PTPRT: variants seen among roughly 807,000 people sequenced by gnomAD.
The protein encoded by PTPRT is protein tyrosine phosphatase receptor type T.
A neutral mutation model predicts 176.8 loss-of-function variants in PTPRT; 56 were observed. The observed-to-expected ratio is 0.32, with a 90% CI of 0.26 to 0.40. The LOEUF (loss-of-function observed/expected upper bound fraction) is 0.40, where lower values mean the gene tolerates loss of function less well. Among genes scored for constraint, PTPRT ranks in the 10% least tolerant of loss-of-function variants. PTPRT has a pLI of 1.00. For synonymous variants in PTPRT, 783 were observed against 739.0 expected, an observed-to-expected ratio of 1.06 and a Z score of -0.96; for missense variants, 1,540 against 1,908.2, an observed-to-expected ratio of 0.81 and a Z score of 3.60.
rs928833530 is a variant in PTPRT, at chr20:42,115,283, C to T, written c.3015G>A (p.Thr1005=). 3.8e-5 allele frequency: 62 copies of T among 1,614,130 alleles called. No individual in the cohort carries two copies. Among genetic ancestry groups the T allele is most frequent in the Admixed American group, 2.0e-4 (12 of 60,030 alleles). Residue 1005 remains threonine (T), a synonymous_variant, in exon 22 of 31, where the codon ACG becomes ACA. Coordinates refer to ENST00000373187, the MANE Select transcript of PTPRT (RefSeq NM_007050.6). ...VKCVRYWPDD[T]EVYGDIKVTL... ...TGACTTTAATGTCTCCGTAGACCTC[C>T]GTGTCATCTGGCCAGTATCGCACAC...
intron 7 of PTPRT, among the ~76,000 whole-genome samples, chr20:42,570,277 T>TA (rs1409256882): frequency 6.6e-6 from 1 of 152,166 alleles, no homozygotes; most frequent in Non-Finnish European, 1.5e-5. Flanking sequence ...CCCTGCTGAG[T>TA]AACTACCCTT....
chr20:42,071,641 A>G (rs1319889339), downstream of PTPRT, among the ~76,000 whole-genome samples: 1 of 151,986 alleles, frequency 6.6e-6, no homozygotes, highest in East Asian at 1.9e-4. Context: ...TAAGCTCAGC[A>G]GTGTTTTATT....
intron 9 of PTPRT, among the ~76,000 whole-genome samples, chr20:42,383,012 G>A (rs774994291): frequency 6.6e-6 from 1 of 152,168 alleles, no homozygotes; most frequent in Non-Finnish European, 1.5e-5. Context: ...TAAATAATAA[G>A]TGTAATATTC....
chr20:42,288,249 T>C (rs2057263435), intron 12 of PTPRT, among the ~76,000 whole-genome samples: 1 of 152,018 alleles, frequency 6.6e-6, no homozygotes, highest in Non-Finnish European at 1.5e-5. Context: ...CTTCTTCTGG[T>C]CACTTCTTCT....
At chr20:42,806,587 C>T (rs1462006209) in intron 2 of PTPRT, among the ~76,000 whole-genome samples, 2 of 151,638 alleles carry the variant, frequency 1.3e-5, no homozygotes, top group Non-Finnish European at 2.9e-5. Context: ...AAACTTTTTC[C>T]ATAAAGGGCC....
At chr20:42,645,805 G>C (rs1170944359) in intron 7 of PTPRT, among the ~76,000 whole-genome samples, 1 of 128,324 alleles carries the variant, frequency 7.8e-6, no homozygotes, top group Non-Finnish European at 1.6e-5. Flanking sequence ...TGTGTGTGTA[G>C]GGAGGGGTGA....
At chr20:43,188,471 C>G (rs1202070146) in intron 1 of PTPRT, among the ~76,000 whole-genome samples, 1 of 152,168 alleles carries the variant, frequency 6.6e-6, no homozygotes. Context: ...GCAGCTTGTG[C>G]AAAGACGCTG....
intron 25 of PTPRT, among the ~76,000 whole-genome samples, chr20:42,103,979 A>G (rs1456314267): frequency 1.3e-5 from 2 of 152,224 alleles, no homozygotes; most frequent in African/African-American, 4.8e-5. Context: ...AGTTGTCCCA[A>G]AGAAAACCCC....
intron 1 of PTPRT, among the ~76,000 whole-genome samples, chr20:42,963,188 G>A (rs1321844686): frequency 6.6e-6 from 1 of 151,696 alleles, no homozygotes; most frequent in Non-Finnish European, 1.5e-5. Context: ...GACAGAGCAA[G>A]ACTCCGTCTC....
intron 18 of PTPRT, among the ~76,000 whole-genome samples, chr20:42,136,936 G>A (rs969188599): frequency 1.3e-5 from 2 of 152,172 alleles, no homozygotes; most frequent in Non-Finnish European, 2.9e-5. Flanking sequence ...TAAGCAGAGA[G>A]GGAGCTGGGG....
intron 2 of PTPRT, among the ~76,000 whole-genome samples, chr20:42,846,386 G>A (rs1259933848): frequency 1.3e-5 from 2 of 152,090 alleles, no homozygotes; most frequent in Admixed American, 6.5e-5. Context: ...CAGGCTTAAG[G>A]CAAAAGCTTC....
At chr20:42,931,618 C>T (rs1360713212) in intron 1 of PTPRT, among the ~76,000 whole-genome samples, 1 of 152,200 alleles carries the variant, frequency 6.6e-6, no homozygotes. Flanking sequence ...GCAGAGCAAG[C>T]ACTGTGCAGG....
At chr20:43,090,422 C>T (rs1226265825) in intron 1 of PTPRT, among the ~76,000 whole-genome samples, 2 of 152,052 alleles carry the variant, frequency 1.3e-5, no homozygotes, top group South Asian at 2.1e-4. Flanking sequence ...CGCCCGCCAC[C>T]ACGCCTGGCT....
chr20:43,138,328 G>T (rs535804505), intron 1 of PTPRT, among the ~76,000 whole-genome samples: 2 of 152,210 alleles, frequency 1.3e-5, no homozygotes, highest in African/African-American at 2.4e-5. Flanking sequence ...GCCCTGTTTG[G>T]CTGGAACACC....
chr20:42,041,520 C>T, the PTPRT span, among the ~76,000 whole-genome samples: 1 of 152,132 alleles, frequency 6.6e-6, no homozygotes, highest in Admixed American at 6.5e-5. Flanking sequence ...CCTAGTGATA[C>T]ATTACATTGT....
At chr20:43,055,838 C>A (rs1005300789) in intron 1 of PTPRT, among the ~76,000 whole-genome samples, 1 of 152,274 alleles carries the variant, frequency 6.6e-6, no homozygotes, top group South Asian at 2.1e-4. Context: ...GCTTAGGTTT[C>A]CCCTAGCTTC....
intron 2 of PTPRT, among the ~76,000 whole-genome samples, chr20:42,850,758 C>G (rs985302080): frequency 3.3e-5 from 5 of 152,202 alleles, no homozygotes; most frequent in African/African-American, 1.2e-4. Flanking sequence ...ATGGGCTTAT[C>G]TGCAAAGCTA....
At chr20:43,082,774 A>T (rs767629181) in intron 1 of PTPRT, among the ~76,000 whole-genome samples, 3 of 152,100 alleles carry the variant, frequency 2.0e-5, no homozygotes, top group African/African-American at 4.8e-5. Flanking sequence ...TCTTGAAATT[A>T]ACAAAGTTGC....
At chr20:42,221,511 G>A (rs548746899) in intron 15 of PTPRT, among the ~76,000 whole-genome samples, 1 of 149,792 alleles carries the variant, frequency 6.7e-6, no homozygotes, top group East Asian at 2.0e-4. Context: ...GAGAGAGACA[G>A]CATGCAAGGG....
Sources: allele counts gnomAD v4.1 joint callset (sites outside exome capture counted in the v4.1 genomes callset), GRCh38; gene constraint gnomAD v4.1.1; transcripts MANE v1.5; gene names NCBI Gene and HGNC (gene_info 2026-07-23, HGNC 2026-07-21).